Variants in JAKMIP3 observed in about 807,000 individuals in gnomAD.
JAKMIP3 encodes Janus kinase and microtubule interacting protein 3.
JAKMIP3 carries 58 observed loss-of-function variants against 118.5 expected under a neutral mutation model. The observed-to-expected ratio is 0.49, with a 90% CI of 0.40 to 0.61. The LOEUF (loss-of-function observed/expected upper bound fraction) is 0.61, where lower values mean the gene tolerates loss of function less well. JAKMIP3 is among the 20% of genes least tolerant of loss of function. The pLI is 0.00. For missense variants in JAKMIP3, 950 were observed against 1,109.0 expected, an observed-to-expected ratio of 0.86 and a Z score of 2.04; for synonymous variants, 486 against 451.2, an observed-to-expected ratio of 1.08 and a Z score of -0.98.
At chr10:132,054,102 C>T (rs968094696) in intron 1 of JAKMIP3, among the ~76,000 whole-genome samples, 15 of 151,084 alleles carry the variant, frequency 9.9e-5, no homozygotes, top group Non-Finnish European at 1.8e-4. Context: ...GGGGCTACCA[C>T]GTCAGTTTTC....
At chr10:132,064,635 C>T (rs1158244685), upstream of JAKMIP3, among the ~76,000 whole-genome samples, 5 of 152,172 alleles carry the variant, frequency 3.3e-5, no homozygotes, top group African/African-American at 4.8e-5. This position sits in a 1 kb window ranked among gnomAD's most constrained non-coding sequence, Gnocchi z 4.4. Context: ...CCAGGGACAG[C>T]GGGCGGCTCC....
At chr10:132,096,287 G>C (rs112984749) in intron 1 of JAKMIP3, among the ~76,000 whole-genome samples, 2 of 152,164 alleles carry the variant, frequency 1.3e-5, no homozygotes, top group Non-Finnish European at 2.9e-5. Context: ...TAGAGTGATC[G>C]TTGCTGCCAA....
At chr10:132,159,420 G>A (rs1449745274) in intron 19 of JAKMIP3, among the ~76,000 whole-genome samples, 1 of 88,140 alleles carries the variant, frequency 1.1e-5, no homozygotes, top group Non-Finnish European at 2.2e-5. Context: ...TATTCCTGTG[G>A]ATGCCGGGGG....
rs989509429 is a variant in JAKMIP3, at chr10:132,139,165, CA to C, written c.1344+988del. 4.5e-5 allele frequency among the ~76,000 whole-genome samples: 6 copies of C among 133,754 alleles called. 1 individual carries two copies. Among genetic ancestry groups the C allele is most frequent in the Non-Finnish European group, 6.2e-5 (4 of 64,794 alleles). 87.7% of individuals were successfully genotyped at this position (133,754 alleles called of 152,430 possible). ...GTATGTGAGTATGAGTGTGTATGTA[CA>C]TGTGTGTATGTGTCTGTGTATGTGT... On this transcript the variant is annotated intron_variant, in intron 9 of 23. Transcript: ENST00000684848.
intron 1 of JAKMIP3, among the ~76,000 whole-genome samples, chr10:132,052,395 T>C (rs991882246): frequency 6.6e-6 from 1 of 152,366 alleles, no homozygotes; most frequent in Admixed American, 6.5e-5. Flanking sequence ...AGTTTTCTTA[T>C]GTAGATCTAG....
At chr10:132,097,230 C>G (rs12220477) in intron 1 of JAKMIP3, among the ~76,000 whole-genome samples, 46,375 of 152,030 alleles carry the variant, frequency 0.31, 7,097 homozygotes, top group East Asian at 0.43. Flanking sequence ...CTGTAGAGCC[C>G]GGAAATGGTT....
chr10:132,062,165 G>T (rs2038417747), upstream of JAKMIP3, among the ~76,000 whole-genome samples: 1 of 152,188 alleles, frequency 6.6e-6, no homozygotes, highest in Non-Finnish European at 1.5e-5. Flanking sequence ...CCAGTGAGTG[G>T]CTGATCATGA....
chr10:132,038,153 C>T (rs1464865449), intron 1 of JAKMIP3, among the ~76,000 whole-genome samples: 1 of 152,170 alleles, frequency 6.6e-6, no homozygotes, highest in Non-Finnish European at 1.5e-5. Flanking sequence ...AAAATAGCTG[C>T]CCAGACATGA....
chr10:132,081,126 A>C (rs2041712383), intron 1 of JAKMIP3, among the ~76,000 whole-genome samples: 2 of 152,144 alleles, frequency 1.3e-5, no homozygotes, highest in Admixed American at 1.3e-4. Flanking sequence ...ACTTTTGCAT[A>C]GGGTGTAAGG....
At position 132,078,673 on chromosome 10, in the gene JAKMIP3, C is replaced by T. The variant is rs534052560; in HGVS notation, c.-138+12612C>T. Among the ~76,000 whole-genome samples, 7 of 151,388 alleles carry T rather than the reference C, an allele frequency of 4.6e-5. No individual in the cohort carries two copies. In the East Asian group the frequency reaches 1.2e-3, roughly 25 times the overall value. Reference sequence around the variant, plus strand: ...CATGTGCTCCTGTTCAATCATGTAGCTACTCCTGAGGTTTTGGGGTTTCTT... The same window carrying T: ...CATGTGCTCCTGTTCAATCATGTAGTTACTCCTGAGGTTTTGGGGTTTCTT... On this transcript the variant is annotated intron_variant, in intron 1 of 23. Coordinates refer to ENST00000684848, the MANE Select transcript of JAKMIP3 (RefSeq NM_001323087.2).
At chr10:132,055,979 T>C (rs1303618334) in intron 1 of JAKMIP3, among the ~76,000 whole-genome samples, 2 of 152,188 alleles carry the variant, frequency 1.3e-5, no homozygotes, top group East Asian at 1.9e-4. Flanking sequence ...TGAGTTTCCT[T>C]CCAAGTGCTG....
chr10:132,095,921 A>T (rs945011583), intron 1 of JAKMIP3, among the ~76,000 whole-genome samples: 3 of 152,100 alleles, frequency 2.0e-5, no homozygotes, highest in Non-Finnish European at 4.4e-5. Flanking sequence ...CAATGCCCTG[A>T]GTATTACAGC....
chr10:132,153,891 G>T (rs572336293), intron 18 of JAKMIP3, 22 bp from the exon 19 acceptor site: 2 of 1,613,004 alleles, frequency 1.2e-6, no homozygotes, highest in Non-Finnish European at 1.7e-6. Flanking sequence ...CGAGACCGAG[G>T]CATGGCCCTC....
In JAKMIP3 at chr10:132,153,946, G is replaced by A. The variant is rs773850884; in HGVS notation, c.2176G>A (p.Glu726Lys). 15 of 1,613,090 alleles carry A rather than the reference G, an allele frequency of 9.3e-6. No homozygotes were observed. Among genetic ancestry groups the A allele is most frequent in the East Asian group, 2.2e-5 (1 of 44,868 alleles). The change falls in exon 19 of 24, where the codon GAG (glutamate) becomes AAG (lysine). Residue 726 changes from glutamate to lysine, a missense_variant. By Grantham distance (56) the Glu-to-Lys change is moderately conservative (BLOSUM62 1). Transcript: ENST00000684848. ...CAGTAAGCAGAAGGGCTACCTGGAC[G>A]AGGAGCTGGACTACCGGAAACAGGC... The part of the protein sequence containing the change: ...LFSKQKGYLD[E>K]ELDYRKQALD...
At chr10:132,047,914 G>T (rs541044301) in intron 1 of JAKMIP3, among the ~76,000 whole-genome samples, 61 of 152,282 alleles carry the variant, frequency 4.0e-4, no homozygotes, top group African/African-American at 1.3e-3. Flanking sequence ...TGGAGCTGGG[G>T]TGCGCGGAGC....
At chr10:132,057,942 G>A (rs1383824347) in intron 1 of JAKMIP3, among the ~76,000 whole-genome samples, 1 of 152,236 alleles carries the variant, frequency 6.6e-6, no homozygotes, top group Admixed American at 6.5e-5. Flanking sequence ...ACAGGGTTCG[G>A]GTGACACTCA....
At chr10:132,149,309 C>G (rs1408989225) in intron 14 of JAKMIP3, 103 bp from the exon 15 acceptor site, 1 of 738,402 alleles carries the variant, frequency 1.4e-6, no homozygotes, top group Admixed American at 2.8e-5. Context: ...GTGTTGATCC[C>G]TGGTTCCATG....
At position 132,137,016 on chromosome 10, in the gene JAKMIP3, C is replaced by G. The variant is rs765240479; in HGVS notation, c.1117-3C>G. 6.2e-7 allele frequency: 1 copy of G among 1,612,904 alleles called. No homozygotes were observed. Among genetic ancestry groups the G allele is most frequent in the Non-Finnish European group, 8.5e-7 (1 of 1,179,324 alleles). ...TTGTGATGTGGGCTGCTTGGCGTTT[C>G]AGAGACAGAGAGCTGGAATCATACG... is the stretch of plus-strand genomic sequence containing the variant. On this transcript the variant is annotated splice_region_variant and splice_polypyrimidine_tract_variant and intron_variant, in intron 6 of 23. Coordinates refer to ENST00000684848, the MANE Select transcript of JAKMIP3 (RefSeq NM_001323087.2).
chr10:132,100,952 C>T (rs1389363073), intron 1 of JAKMIP3, among the ~76,000 whole-genome samples: 1 of 152,196 alleles, frequency 6.6e-6, no homozygotes, highest in Admixed American at 6.5e-5. Context: ...GGGAGATTCA[C>T]ACCATCCCTG....
Sources: allele counts gnomAD v4.1 joint callset (sites outside exome capture counted in the v4.1 genomes callset), GRCh38; gene constraint gnomAD v4.1.1; non-coding constraint Gnocchi (gnomAD v3.1); transcripts MANE v1.5; gene names NCBI Gene and HGNC (gene_info 2026-07-23, HGNC 2026-07-21).